Variants in FAM114A1 observed in about 807,000 individuals in gnomAD.
FAM114A1 encodes the protein family with sequence similarity 114 member A1.
FAM114A1 carries 62 observed loss-of-function variants against 64.3 expected under a neutral mutation model. The ratio of observed to expected loss-of-function variants is 0.96; its 90% CI spans 0.79 to 1.19. The LOEUF (loss-of-function observed/expected upper bound fraction) is 1.19. FAM114A1 is among the 50% of genes most tolerant of loss of function. FAM114A1 has a pLI of 0.00. For missense variants in FAM114A1, 645 were observed against 676.3 expected (o/e 0.95, Z 0.51); for synonymous variants, 254 against 251.1 (o/e 1.01, Z -0.11).
chr4:38,910,953 A>C (rs919849712), intron 7 of FAM114A1, among the ~76,000 whole-genome samples: 1 of 152,180 alleles, frequency 6.6e-6, no homozygotes, highest in Non-Finnish European at 1.5e-5. Context: ...CAGCATTTTG[A>C]GAAAAGAAGT....
intron 3 of FAM114A1, among the ~76,000 whole-genome samples, chr4:38,888,802 C>G (rs927066357): frequency 6.6e-6 from 1 of 152,198 alleles, no homozygotes; most frequent in African/African-American, 2.4e-5. Context: ...TTAAATCCCT[C>G]TATTGGTAAT....
intron 12 of FAM114A1, 44 bp downstream of exon 12, chr4:38,932,418 T>C: frequency 6.5e-7 from 1 of 1,540,604 alleles, no homozygotes; most frequent in Non-Finnish European, 8.7e-7. Flanking sequence ...CAGTTTTATA[T>C]ATAGGTACCA....
chr4:38,943,103 G>T (rs111699859), intron 14 of FAM114A1, among the ~76,000 whole-genome samples: 5 of 150,840 alleles, frequency 3.3e-5, no homozygotes, highest in African/African-American at 1.2e-4. Flanking sequence ...TGAAGCAGGG[G>T]AATTGCTTGA....
At chr4:38,880,019 T>C (rs944407554) in intron 3 of FAM114A1, among the ~76,000 whole-genome samples, 1 of 151,596 alleles carries the variant, frequency 6.6e-6, no homozygotes, top group African/African-American at 2.4e-5. Context: ...TGAGCCGAGA[T>C]TGCACCATTG....
At chr4:38,896,226 A>G (rs1441549926) in intron 4 of FAM114A1, among the ~76,000 whole-genome samples, 1 of 152,156 alleles carries the variant, frequency 6.6e-6, no homozygotes, top group Non-Finnish European at 1.5e-5. Flanking sequence ...AGCAGGTACT[A>G]AAATTGTTCA....
chr4:38,888,603 A>T (rs1280110564), intron 3 of FAM114A1, among the ~76,000 whole-genome samples: 2 of 152,214 alleles, frequency 1.3e-5, no homozygotes, highest in Non-Finnish European at 2.9e-5. Context: ...TGTTTAAATG[A>T]TTTCCAGTTG....
At chr4:38,871,731 C>T (rs1714096311) in intron 2 of FAM114A1, among the ~76,000 whole-genome samples, 1 of 152,244 alleles carries the variant, frequency 6.6e-6, no homozygotes, top group African/African-American at 2.4e-5. Context: ...ACTTCCCTAC[C>T]AAGAGTTAAA....
chr4:38,890,517 C>T (rs953560754), intron 3 of FAM114A1, among the ~76,000 whole-genome samples: 1 of 152,122 alleles, frequency 6.6e-6, no homozygotes, highest in African/African-American at 2.4e-5. Context: ...TCCACTGCCT[C>T]CTTACTTTCT....
At chr4:38,897,958 A>G (rs1467287993) in intron 4 of FAM114A1, among the ~76,000 whole-genome samples, 1 of 151,846 alleles carries the variant, frequency 6.6e-6, no homozygotes, top group Admixed American at 6.6e-5. Context: ...AAAAAAAAAA[A>G]GAAAGAAAAA....
intron 4 of FAM114A1, among the ~76,000 whole-genome samples, chr4:38,892,165 A>G (rs948914328): frequency 1.3e-5 from 2 of 152,178 alleles, no homozygotes; most frequent in Non-Finnish European, 2.9e-5. Flanking sequence ...TTTAAAGTAT[A>G]ATATATTCTT....
rs371526244 is a variant in FAM114A1, at chr4:38,919,663, TTC to T, written c.946-3105_946-3104del. Reference sequence around the variant, plus strand: ...CCCTGCCCTCTGAGGGCTTATTGTCTTCTGAGTCACATCAGCATAAGGAGAGA... The same window carrying T: ...CCCTGCCCTCTGAGGGCTTATTGTCTTGAGTCACATCAGCATAAGGAGAGA... On this transcript the variant is annotated intron_variant, in intron 8 of 14. Coordinates refer to ENST00000358869, the MANE Select transcript of FAM114A1 (RefSeq NM_138389.4). Among the ~76,000 whole-genome samples, 646 of 152,292 alleles carry T rather than the reference TTC, an allele frequency of 4.2e-3. 2 individuals are homozygous for T. The highest frequency in any genetic ancestry group is 0.014 in the African/African-American group (602 of 41,570).
intron 10 of FAM114A1, 82 bp from the exon 11 acceptor site, chr4:38,931,369 C>T: frequency 6.7e-7 from 1 of 1,485,348 alleles, no homozygotes; most frequent in South Asian, 1.4e-5. Flanking sequence ...CTTAGAGACA[C>T]TTGATTCTAG....
chr4:38,933,046 T>C (rs1000359301), intron 12 of FAM114A1, among the ~76,000 whole-genome samples: 3 of 151,664 alleles, frequency 2.0e-5, no homozygotes, highest in Admixed American at 6.6e-5. Flanking sequence ...TAGAGACGGG[T>C]TTTCACCATG....
intron 7 of FAM114A1, among the ~76,000 whole-genome samples, chr4:38,909,584 A>G (rs16994919): frequency 0.16 from 24,536 of 152,178 alleles, 2,773 homozygotes; most frequent in Middle Eastern, 0.32. Flanking sequence ...TATTAAACTT[A>G]CTTTTCCAGA....
chr4:38,888,022 C>T (rs933010588), intron 3 of FAM114A1, among the ~76,000 whole-genome samples: 2 of 152,112 alleles, frequency 1.3e-5, no homozygotes, highest in Admixed American at 1.3e-4. Flanking sequence ...ATAGAAGAAC[C>T]AAGTTGCTCC....
intron 3 of FAM114A1, among the ~76,000 whole-genome samples, chr4:38,891,426 C>T (rs143452971): frequency 4.1e-4 from 62 of 152,246 alleles, no homozygotes; most frequent in African/African-American, 1.3e-3. Context: ...TGCCCTCATG[C>T]GTATCTTTTT....
intron 7 of FAM114A1, among the ~76,000 whole-genome samples, chr4:38,910,031 G>A (rs548758557): frequency 1.3e-5 from 2 of 152,070 alleles, no homozygotes; most frequent in South Asian, 2.1e-4. Context: ...TCAGGAGTTC[G>A]AGACCAGCCT....
At chr4:38,877,063 C>G (rs1714716207) in intron 2 of FAM114A1, among the ~76,000 whole-genome samples, 1 of 152,204 alleles carries the variant, frequency 6.6e-6, no homozygotes, top group Middle Eastern at 3.4e-3. Flanking sequence ...TGTAAGGTAA[C>G]ACTCACAGGT....
At chr4:38,923,654 G>C (rs201421840) in intron 9 of FAM114A1, among the ~76,000 whole-genome samples, 2 of 151,978 alleles carry the variant, frequency 1.3e-5, no homozygotes, top group Non-Finnish European at 2.9e-5. Flanking sequence ...GTAAGAGTTC[G>C]GGTATATTTG....
Sources: allele counts gnomAD v4.1 joint callset (sites outside exome capture counted in the v4.1 genomes callset), GRCh38; gene constraint gnomAD v4.1.1; transcripts MANE v1.5; gene names NCBI Gene and HGNC (gene_info 2026-07-23, HGNC 2026-07-21).